CNTNAP5: variants seen among roughly 807,000 people sequenced by gnomAD.
The protein encoded by CNTNAP5 is contactin-associated protein-like 5.
A neutral mutation model predicts 150.2 loss-of-function variants in CNTNAP5; 72 were observed. The observed-to-expected ratio is 0.48, with a 90% CI of 0.40 to 0.58. The LOEUF (loss-of-function observed/expected upper bound fraction) is 0.58. Ranked by LOEUF, CNTNAP5 falls within the 20% of genes least tolerant of loss-of-function variation. The pLI is 0.00. For missense variants in CNTNAP5, 1,636 were observed against 1,626.2 expected (o/e 1.01, Z -0.10); for synonymous variants, 672 against 619.8 (o/e 1.08, Z -1.25).
intron 1 of CNTNAP5, among the ~76,000 whole-genome samples, chr2:124,134,369 A>G (rs574847610): frequency 1.3e-5 from 2 of 152,178 alleles, no homozygotes; most frequent in African/African-American, 4.8e-5. Flanking sequence ...AGAAAAAAAA[A>G]AAATGGTAAA....
intron 17 of CNTNAP5, among the ~76,000 whole-genome samples, chr2:124,777,816 T>C (rs1681359435): frequency 1.4e-5 from 2 of 146,432 alleles, no homozygotes; most frequent in African/African-American, 5.2e-5. Context: ...TGTGTGTGTG[T>C]GTGTGTGTCA....
Position 124,765,646 on chromosome 2 carries a change from T to A in CNTNAP5, c.2533+1499T>A, listed in dbSNP as rs1233212852. Among the ~76,000 whole-genome samples the A allele has an allele frequency of 3.3e-5, 5 of 152,108 alleles. No homozygotes were observed. The East Asian group carries it at 5.8e-4, about 18-fold the overall frequency. On this transcript the variant is annotated intron_variant, in intron 16 of 23. Transcript: ENST00000682447. ...GTAGTGTCATACAAACAAAATATAT[T>A]TGTTTATTTTTAAGAGTAAGAACTT...
intron 21 of CNTNAP5, among the ~76,000 whole-genome samples, chr2:124,870,222 G>T (rs1677716683): frequency 6.8e-6 from 1 of 147,132 alleles, no homozygotes; most frequent in Non-Finnish European, 1.5e-5. Context: ...TTCATTACAT[G>T]CATACAAGAT....
At chr2:124,101,867 A>G (rs1216375537) in intron 1 of CNTNAP5, among the ~76,000 whole-genome samples, 1 of 152,166 alleles carries the variant, frequency 6.6e-6, no homozygotes, top group Non-Finnish European at 1.5e-5. Context: ...CAAATAGAAA[A>G]GGTTGATTTT....
At chr2:124,087,743 C>A (rs559634659) in intron 1 of CNTNAP5, among the ~76,000 whole-genome samples, 47 of 151,816 alleles carry the variant, frequency 3.1e-4, no homozygotes, top group African/African-American at 8.7e-4. Context: ...AATATATTTT[C>A]TTAACCACAC....
intron 1 of CNTNAP5, among the ~76,000 whole-genome samples, chr2:124,070,726 A>G (rs1682284320): frequency 6.6e-6 from 1 of 152,080 alleles, no homozygotes; most frequent in Admixed American, 6.6e-5. Context: ...CTAAAGAGAA[A>G]GATAGACTTC....
chr2:124,423,652 CTTTTTTTTTTTT>C (rs1187961580), intron 4 of CNTNAP5, among the ~76,000 whole-genome samples: 7 of 41,586 alleles, frequency 1.7e-4, no homozygotes, highest in East Asian at 8.9e-4. Context: ...GGCTAATTAA[CTTTTTTTTTTTT>C]TTTTTTTTTT....
At chr2:124,105,052 T>G (rs1683146416) in intron 1 of CNTNAP5, among the ~76,000 whole-genome samples, 1 of 151,868 alleles carries the variant, frequency 6.6e-6, no homozygotes, top group African/African-American at 2.4e-5. Context: ...TATATAAGCA[T>G]ATAAAGACCT....
intron 6 of CNTNAP5, among the ~76,000 whole-genome samples, chr2:124,447,248 G>T (rs1692845114): frequency 6.6e-6 from 1 of 151,088 alleles, no homozygotes. Flanking sequence ...TATTGGTTAT[G>T]TATCTTCTTA....
chr2:124,306,920 G>T (rs978442056), intron 3 of CNTNAP5, among the ~76,000 whole-genome samples: 9 of 151,618 alleles, frequency 5.9e-5, no homozygotes, highest in Admixed American at 5.3e-4. Flanking sequence ...TAGAGACGGG[G>T]TTTCACCATG....
intron 6 of CNTNAP5, among the ~76,000 whole-genome samples, chr2:124,458,660 AC>A (rs1693178150): frequency 6.6e-6 from 1 of 152,112 alleles, no homozygotes; most frequent in Non-Finnish European, 1.5e-5. Context: ...TTCCCCAATA[AC>A]CTATGGAAAT....
intron 7 of CNTNAP5, among the ~76,000 whole-genome samples, chr2:124,491,754 C>A (rs1383896673): frequency 6.6e-6 from 1 of 151,604 alleles, no homozygotes; most frequent in East Asian, 1.9e-4. Flanking sequence ...AATACTTGTA[C>A]CTTTTTTTTT....
At chr2:124,789,372 C>G (rs986662862) in intron 17 of CNTNAP5, among the ~76,000 whole-genome samples, 1 of 152,056 alleles carries the variant, frequency 6.6e-6, no homozygotes, top group Non-Finnish European at 1.5e-5. Context: ...GGAGGGGGTT[C>G]CCAGCCTAGA....
intron 1 of CNTNAP5, among the ~76,000 whole-genome samples, chr2:124,197,470 C>T (rs528708148): frequency 6.6e-5 from 10 of 152,104 alleles, no homozygotes; most frequent in Admixed American, 2.0e-4. Context: ...CATACAACAG[C>T]TTATTTATTT....
At chr2:124,293,556 A>T (rs1290858690) in intron 3 of CNTNAP5, among the ~76,000 whole-genome samples, 1 of 152,234 alleles carries the variant, frequency 6.6e-6, no homozygotes, top group Non-Finnish European at 1.5e-5. Flanking sequence ...TCAGCAAATT[A>T]TATGAATAGA....
At chr2:124,746,830 C>T (rs1165487269) in intron 13 of CNTNAP5, among the ~76,000 whole-genome samples, 1 of 152,118 alleles carries the variant, frequency 6.6e-6, no homozygotes, top group South Asian at 2.1e-4. Flanking sequence ...CTTACTCAAT[C>T]GTGCCTGATC....
chr2:124,593,980 GTTGT>G (rs1444316534), intron 11 of CNTNAP5, among the ~76,000 whole-genome samples: 2 of 98,328 alleles, frequency 2.0e-5, no homozygotes, highest in African/African-American at 7.3e-5. Flanking sequence ...TTTTGATGGG[GTTGT>G]TTGTTTTTTT....
At chr2:124,881,306 G>T (rs1677959783) in intron 21 of CNTNAP5, among the ~76,000 whole-genome samples, 1 of 152,012 alleles carries the variant, frequency 6.6e-6, no homozygotes. Context: ...GCAGGTGCAG[G>T]TGCAGTTTGT....
chr2:124,152,031 G>A (rs188016839), intron 1 of CNTNAP5, among the ~76,000 whole-genome samples: 11 of 152,264 alleles, frequency 7.2e-5, no homozygotes, highest in Admixed American at 2.0e-4. Context: ...GCCATATGGT[G>A]ACTCATTAAA....
Sources: gnomAD v4.1 joint callset for allele counts (sites outside exome capture counted in the v4.1 genomes callset) on GRCh38, gnomAD v4.1.1 for gene constraint, MANE v1.5 for transcripts, NCBI Gene and HGNC (gene_info 2026-07-23, HGNC 2026-07-21) for gene names.